FOXP2: variants seen among roughly 807,000 people sequenced by gnomAD.
The protein encoded by FOXP2 is forkhead box P2, also known as forkhead box protein P2.
A neutral mutation model predicts 115.8 loss-of-function variants in FOXP2; 12 were observed. The observed-to-expected ratio is 0.10, with a 90% CI of 0.07 to 0.17. The LOEUF is 0.17. FOXP2 is among the 10% of genes least tolerant of loss of function. The pLI, the probability that FOXP2 is intolerant of heterozygous loss-of-function variation, is 1.00. For missense variants in FOXP2, 629 were observed against 843.5 expected, an observed-to-expected ratio of 0.75 and a Z score of 3.15; for synonymous variants, 328 against 297.7, an observed-to-expected ratio of 1.10 and a Z score of -1.05.
At chr7:114,451,169 G>C (rs143112488) in intron 2 of FOXP2, among the ~76,000 whole-genome samples, 3 of 152,052 alleles carry the variant, frequency 2.0e-5, no homozygotes, top group Non-Finnish European at 4.4e-5. Context: ...AACCTGGGAA[G>C]CATTTTAATG....
At chr7:114,405,159 T>G (rs1202607103) in intron 2 of FOXP2, among the ~76,000 whole-genome samples, 1 of 151,956 alleles carries the variant, frequency 6.6e-6, no homozygotes, top group Non-Finnish European at 1.5e-5. Context: ...TGTTACTATA[T>G]GATAGTTTCC....
intron 1 of FOXP2, among the ~76,000 whole-genome samples, chr7:114,175,818 G>A (rs1793274975): frequency 6.6e-6 from 1 of 152,128 alleles, no homozygotes; most frequent in Non-Finnish European, 1.5e-5. Context: ...CAAAGTGGTA[G>A]CTTTCTGTAA....
At chr7:114,103,602 G>A (rs746914803) in intron 1 of FOXP2, among the ~76,000 whole-genome samples, 1 of 151,922 alleles carries the variant, frequency 6.6e-6, no homozygotes, top group African/African-American at 2.4e-5. Flanking sequence ...TCCTTTATGT[G>A]TTATGTTCTT....
At chr7:114,174,593 G>A (rs1042596536) in intron 1 of FOXP2, among the ~76,000 whole-genome samples, 1 of 151,986 alleles carries the variant, frequency 6.6e-6, no homozygotes, top group South Asian at 2.1e-4. Context: ...TCAGAAAAAT[G>A]TGCATTAGTC....
intron 3 of FOXP2, among the ~76,000 whole-genome samples, chr7:114,535,721 T>C (rs542793739): frequency 2.6e-4 from 39 of 151,576 alleles, no homozygotes; most frequent in African/African-American, 8.4e-4. Flanking sequence ...AAATGTATGG[T>C]CCCTAAACAA....
intron 2 of FOXP2, among the ~76,000 whole-genome samples, chr7:114,519,821 G>C (rs190220595): frequency 6.6e-6 from 1 of 152,030 alleles, no homozygotes; most frequent in Non-Finnish European, 1.5e-5. Context: ...CCAAGATTAC[G>C]AAGTATTTCT....
intron 2 of FOXP2, among the ~76,000 whole-genome samples, chr7:114,398,166 G>T (rs1469080085): frequency 6.6e-6 from 1 of 151,982 alleles, no homozygotes; most frequent in Admixed American, 6.6e-5. Context: ...TTTTCAATAA[G>T]TCTTGAGTAA....
chr7:114,096,126 C>T (rs186210688), intron 1 of FOXP2, among the ~76,000 whole-genome samples: 12 of 152,220 alleles, frequency 7.9e-5, no homozygotes, highest in African/African-American at 2.2e-4. Context: ...ATGAAGTGTG[C>T]GAAGGCGACT....
intron 1 of FOXP2, among the ~76,000 whole-genome samples, chr7:114,214,839 G>T (rs561510546): frequency 3.2e-4 from 49 of 152,176 alleles, no homozygotes; most frequent in Non-Finnish European, 6.8e-4. Context: ...ACATCAGTGG[G>T]GAAAATGCCA....
chr7:114,533,046 G>C (rs771313184), intron 2 of FOXP2, among the ~76,000 whole-genome samples: 7 of 151,948 alleles, frequency 4.6e-5, no homozygotes, highest in African/African-American at 1.2e-4. Context: ...AATAGCCTGA[G>C]TTCACTGGAA....
intron 2 of FOXP2, among the ~76,000 whole-genome samples, chr7:114,461,067 A>AT (rs1003839303): frequency 2.0e-5 from 3 of 151,920 alleles, no homozygotes; most frequent in African/African-American, 7.2e-5. Context: ...CCTCTAGTGC[A>AT]TTTTTTTTAA....
At chr7:114,111,925 G>GA (rs1791277117) in intron 1 of FOXP2, among the ~76,000 whole-genome samples, 1 of 151,860 alleles carries the variant, frequency 6.6e-6, no homozygotes, top group African/African-American at 2.4e-5. Context: ...ATTGTCATGA[G>GA]AAAAATGGGT....
intron 16 of FOXP2, chr7:114,666,470 T>C (rs986618123): frequency 6.6e-6 from 1 of 152,140 alleles, no homozygotes; most frequent in Non-Finnish European, 1.5e-5. Context: ...ACTTAAACCA[T>C]GTTATGTATT....
chr7:114,177,043 T>G (rs1192731887), intron 1 of FOXP2, among the ~76,000 whole-genome samples: 1 of 152,170 alleles, frequency 6.6e-6, no homozygotes. Flanking sequence ...CTCTCCTGAG[T>G]GCTATCCATA....
intron 3 of FOXP2, among the ~76,000 whole-genome samples, chr7:114,608,931 G>T (rs1164441045): frequency 6.6e-6 from 1 of 152,058 alleles, no homozygotes; most frequent in African/African-American, 2.4e-5. Flanking sequence ...GGGTGCGGTG[G>T]CTCACACCTG....
intron 1 of FOXP2, among the ~76,000 whole-genome samples, chr7:114,254,944 T>C (rs541828727): frequency 6.6e-6 from 1 of 152,370 alleles, no homozygotes; most frequent in South Asian, 2.1e-4. Context: ...TGTTCTTTGA[T>C]GATGGTGACG....
chr7:114,198,533 C>T (rs1158492627), intron 1 of FOXP2, among the ~76,000 whole-genome samples: 1 of 152,202 alleles, frequency 6.6e-6, no homozygotes, highest in African/African-American at 2.4e-5. Context: ...AGATTCCTCT[C>T]ATAAGCAGTT....
chr7:114,178,146 A>G (rs887563492), intron 1 of FOXP2, among the ~76,000 whole-genome samples: 8 of 151,926 alleles, frequency 5.3e-5, no homozygotes, highest in African/African-American at 1.7e-4. Context: ...GTAGGGAGAG[A>G]TGAAACATTC....
intron 3 of FOXP2, chr7:114,570,743 G>A (rs1037667558): frequency 6.1e-5 from 73 of 1,187,768 alleles, no homozygotes; most frequent in East Asian, 9.4e-5. Context: ...GATAATGTAC[G>A]TTATTAGCAC....
Sources: gnomAD v4.1 joint callset for allele counts (sites outside exome capture counted in the v4.1 genomes callset) on GRCh38, gnomAD v4.1.1 for gene constraint, MANE v1.5 for transcripts, NCBI Gene and HGNC (gene_info 2026-07-23, HGNC 2026-07-21) for gene names.